Variants in NRCAM observed in about 807,000 individuals in gnomAD.
The protein encoded by NRCAM is neuronal cell adhesion molecule, also known as NgCAM-related cell adhesion molecule.
NRCAM carries 83 observed loss-of-function variants against 156.5 expected under a neutral mutation model. The observed-to-expected ratio is 0.53, with a 90% CI of 0.44 to 0.64. NRCAM has a LOEUF of 0.64. NRCAM is among the 30% of genes least tolerant of loss of function. The probability of loss-of-function intolerance (pLI) is 0.00; values close to 1 mark genes in which losing one functional copy is unlikely to be tolerated. For synonymous variants in NRCAM, 538 were observed against 563.9 expected, an observed-to-expected ratio of 0.95 and a Z score of 0.65; for missense variants, 1,417 against 1,597.3, an observed-to-expected ratio of 0.89 and a Z score of 1.92.
chr7:108,407,186 C>T (rs2099809669), intron 1 of NRCAM, among the ~76,000 whole-genome samples: 1 of 152,150 alleles, frequency 6.6e-6, no homozygotes, highest in Non-Finnish European at 1.5e-5. Context: ...ACTGGTTTAT[C>T]AACCTGCTAT....
At chr7:108,241,120 C>A (rs2095495143) in intron 3 of NRCAM, among the ~76,000 whole-genome samples, 1 of 152,176 alleles carries the variant, frequency 6.6e-6, no homozygotes, top group Admixed American at 6.5e-5. Flanking sequence ...TTCACCACCA[C>A]CCCTGAATTC....
chr7:108,373,530 C>T (rs2099642614), intron 2 of NRCAM, among the ~76,000 whole-genome samples: 1 of 152,118 alleles, frequency 6.6e-6, no homozygotes, highest in South Asian at 2.1e-4. Context: ...TAGCTGCTCC[C>T]CCTACAATGG....
intron 3 of NRCAM, among the ~76,000 whole-genome samples, chr7:108,254,748 A>C (rs2096547181): frequency 6.6e-6 from 1 of 151,972 alleles, no homozygotes; most frequent in Non-Finnish European, 1.5e-5. Context: ...ACCAGGTTTC[A>C]CTATATTACC....
chr7:108,285,254 G>A (rs73201511), intron 3 of NRCAM, among the ~76,000 whole-genome samples: 5,743 of 152,116 alleles, frequency 0.038, 163 homozygotes, highest in South Asian at 0.11. Flanking sequence ...ACCCTTTCCT[G>A]TTCACTCACT....
intron 2 of NRCAM, among the ~76,000 whole-genome samples, chr7:108,371,566 TA>T (rs1230389886): frequency 2.0e-5 from 3 of 152,218 alleles, no homozygotes; most frequent in African/African-American, 7.2e-5. Context: ...AAGTTTGGGA[TA>T]AAAAAACATA....
intron 2 of NRCAM, among the ~76,000 whole-genome samples, chr7:108,337,020 T>A (rs55891927): frequency 0.037 from 5,576 of 152,144 alleles, 366 homozygotes; most frequent in African/African-American, 0.13. Context: ...ATCCCAGCAC[T>A]TTAGGAGGCT....
intron 15 of NRCAM, among the ~76,000 whole-genome samples, 180 bp from the exon 16 acceptor site, chr7:108,194,608 G>A (rs2073908646): frequency 6.6e-6 from 1 of 152,218 alleles, no homozygotes; most frequent in African/African-American, 2.4e-5. Flanking sequence ...AGGCATGTAT[G>A]TCAGAGAGGA....
chr7:108,191,779 G>A lies in NRCAM; in HGVS notation c.1853C>T (p.Ala618Val). 2.5e-6 allele frequency: 4 copies of A among 1,614,006 alleles called. No homozygotes were observed. The South Asian group carries it at 3.3e-5, about 13-fold the overall frequency. ...GGAGACGCTGTCCAGAGTGGTGTTG[G>A]CCACACACGTGTAGGTCCCGCTGTC... ...DDDSGTYTCV[A>V]NTTLDSVSAS... The change falls in exon 18 of 33, where the codon GCC (alanine) becomes GTC (valine). Residue 618 changes from alanine to valine, a missense_variant. Ala to Val is a moderately conservative substitution (Grantham distance 64). This residue lies in a region of NRCAM where 1,238 missense variants were observed against 1,336.4 expected (regional missense o/e 0.93). Transcript: ENST00000379028.
intron 3 of NRCAM, among the ~76,000 whole-genome samples, chr7:108,280,405 T>A (rs900872646): frequency 1.3e-5 from 2 of 152,198 alleles, no homozygotes; most frequent in Non-Finnish European, 2.9e-5. Context: ...GGCCAAGAAC[T>A]ACCACCCTAA....
intron 3 of NRCAM, among the ~76,000 whole-genome samples, chr7:108,298,319 C>CAGGACTCCT (rs1383630883): frequency 2.6e-5 from 4 of 151,888 alleles, no homozygotes; most frequent in African/African-American, 9.7e-5. Context: ...GCTCACAGGA[C>CAGGACTCCT]AGGACTCCTC....
chr7:108,192,003 G>T (rs2072035576), intron 17 of NRCAM, 150 bp from the exon 18 acceptor site: 4 of 820,340 alleles, frequency 4.9e-6, no homozygotes, highest in Non-Finnish European at 7.4e-6. Flanking sequence ...ATCACTTTAA[G>T]AATGATTAAA....
intron 30 of NRCAM, among the ~76,000 whole-genome samples, chr7:108,165,752 G>T (rs1585757954): frequency 6.6e-6 from 1 of 152,072 alleles, no homozygotes; most frequent in Non-Finnish European, 1.5e-5. Flanking sequence ...AACCACTTAT[G>T]ATTTATATTT....
At chr7:108,448,447 GCAGT>G (rs1340331455) in intron 1 of NRCAM, among the ~76,000 whole-genome samples, 2 of 152,184 alleles carry the variant, frequency 1.3e-5, no homozygotes, top group Non-Finnish European at 2.9e-5. Flanking sequence ...AGTCATTTAA[GCAGT>G]CAAAGATGCG....
chr7:108,437,003 T>A (rs907460218), intron 1 of NRCAM, among the ~76,000 whole-genome samples: 2 of 152,198 alleles, frequency 1.3e-5, no homozygotes, highest in Non-Finnish European at 2.9e-5. Context: ...TAGCCAAGAC[T>A]TGAAGGCAAC....
chr7:108,403,986 C>T (rs2099800429), intron 1 of NRCAM, among the ~76,000 whole-genome samples: 1 of 152,126 alleles, frequency 6.6e-6, no homozygotes, highest in Non-Finnish European at 1.5e-5. Flanking sequence ...TTTAAGTTCT[C>T]CTGGCTGCTT....
intron 3 of NRCAM, among the ~76,000 whole-genome samples, chr7:108,256,177 A>C (rs550230884): frequency 2.6e-5 from 4 of 151,906 alleles, no homozygotes; most frequent in African/African-American, 9.7e-5. Context: ...GTTTTGTTGA[A>C]TAGAAAAGGG....
intron 2 of NRCAM, among the ~76,000 whole-genome samples, chr7:108,341,752 A>C (rs2099279902): frequency 6.6e-6 from 1 of 152,114 alleles, no homozygotes; most frequent in South Asian, 2.1e-4. Context: ...GACTCAATAA[A>C]ATTAAGGAAC....
intron 3 of NRCAM, among the ~76,000 whole-genome samples, chr7:108,288,230 C>T (rs2098170066): frequency 6.6e-6 from 1 of 151,996 alleles, no homozygotes; most frequent in Non-Finnish European, 1.5e-5. Context: ...ACATTGAAGA[C>T]TCCAAGAGGT....
chr7:108,219,272 G>A (rs1305765865), intron 11 of NRCAM, among the ~76,000 whole-genome samples: 1 of 152,024 alleles, frequency 6.6e-6, no homozygotes, highest in African/African-American at 2.4e-5. Context: ...AATTCTACCA[G>A]ACATTCAAAG....
Sources: gnomAD v4.1 joint callset for allele counts (sites outside exome capture counted in the v4.1 genomes callset) on GRCh38, gnomAD v4.1.1 for gene constraint, gnomAD v4.1.1 regional missense constraint, MANE v1.5 for transcripts, NCBI Gene and HGNC (gene_info 2026-07-23, HGNC 2026-07-21) for gene names.